Variants in PCDHGA7 observed in about 807,000 individuals in gnomAD.
The protein encoded by PCDHGA7 is protocadherin gamma subfamily A, 7.
A neutral mutation model predicts 58.3 loss-of-function variants in PCDHGA7; 44 were observed. That is an observed-to-expected ratio of 0.75 (90% CI 0.59 to 0.97). The LOEUF is 0.97. Ranked by LOEUF, PCDHGA7 falls within the 50% of genes least tolerant of loss-of-function variation. PCDHGA7 has a pLI of 0.00. For missense variants in PCDHGA7, 1,266 were observed against 1,188.7 expected (o/e 1.06, Z -0.96); for synonymous variants, 516 against 504.2 (o/e 1.02, Z -0.31).
At chr5:141,413,531 A>G (rs1472068242) in intron 1 of PCDHGA7, 6 of 1,613,818 alleles carry the variant, frequency 3.7e-6, no homozygotes, top group Non-Finnish European at 5.1e-6. Flanking sequence ...GACAGGGTGA[A>G]ACTTTTTGGG....
Position 141,512,554 on chromosome 5 carries a change from T to TAG in PCDHGA7, c.*1383_*1384dup, listed in dbSNP as rs2099884300. ...AAGTTCCCCAGTGCCTCCTTGTGCA[T>TAG]AGACCTTCTTCTCCCACCCCCTTCT... is the stretch of plus-strand genomic sequence containing the variant. On this transcript the variant is annotated 3_prime_UTR_variant, in exon 4 of 4. Coordinates refer to ENST00000518325, the MANE Select transcript of PCDHGA7 (RefSeq NM_018920.4). 6.5e-6 allele frequency: 1 copy of TAG among 153,012 alleles called. No homozygotes were observed. Among genetic ancestry groups the TAG allele is most frequent in the Non-Finnish European group, 1.5e-5 (1 of 68,482 alleles). 9.5% of individuals were successfully genotyped at this position (153,012 alleles called of 1,614,324 possible).
rs1272109802 is a variant in PCDHGA7 at position 141,403,110 on chromosome 5, C to G, written c.2424+17787C>G. The G allele has an allele frequency of 6.2e-7, 1 of 1,614,084 alleles. No individual in the cohort carries two copies. The highest frequency in any genetic ancestry group is 1.7e-5 in the Admixed American group (1 of 60,032). The stretch of plus-strand genomic sequence containing the variant: ...GTGGGCAACATCTCCAAGGACCTGG[C>G]TCTGGAGCCCCGGGAGCTGGCGGAG... On this transcript the variant is annotated intron_variant, in intron 1 of 3. Transcript: ENST00000518325.
rs11343387 is a variant in PCDHGA7 at position 141,497,209 on chromosome 5, TGG to T, written c.2483+2352_2483+2353del. On this transcript the variant is annotated intron_variant, in intron 2 of 3. Transcript: ENST00000518325. ...GAGGCAGAGAACAATGTGAGTGTAATGGGGGGGGGAAGATCAGAGAAGGCTTC... is the reference window on the plus strand; with the variant it reads ...GAGGCAGAGAACAATGTGAGTGTAATGGGGGGGAAGATCAGAGAAGGCTTC... Among the ~76,000 whole-genome samples the T allele has an allele frequency of 3.8e-3, 569 of 151,352 alleles. 5 individuals are homozygous for T. Among genetic ancestry groups the T allele is most frequent in the Admixed American group, 0.011 (162 of 15,190 alleles).
At chr5:141,474,252 A>T (rs1381172188) in intron 1 of PCDHGA7, among the ~76,000 whole-genome samples, 1 of 152,200 alleles carries the variant, frequency 6.6e-6, no homozygotes, top group Non-Finnish European at 1.5e-5. Flanking sequence ...GGAAAAAAAG[A>T]CTGATAAACC....
At chr5:141,496,886 C>T (rs1562175671) in intron 2 of PCDHGA7, among the ~76,000 whole-genome samples, 1 of 135,246 alleles carries the variant, frequency 7.4e-6, no homozygotes, top group African/African-American at 2.9e-5. Context: ...ACAAGTAACA[C>T]TTAAAAAAAA....
chr5:141,399,699 C>A lies in PCDHGA7; in HGVS notation c.2424+14376C>A, dbSNP rs555724833. ...TTGACTACGAGCAGCTGCGCACCTT[C>A]GAACTCACACTACAGGCCCGCGACC... On this transcript the variant is annotated intron_variant, in intron 1 of 3. Coordinates refer to ENST00000518325, the MANE Select transcript of PCDHGA7 (RefSeq NM_018920.4). The A allele has an allele frequency of 1.9e-6, 3 of 1,613,476 alleles. No homozygotes were observed. In the East Asian group the frequency reaches 6.7e-5, roughly 36 times the overall value.
intron 1 of PCDHGA7, chr5:141,417,570 T>A: frequency 2.7e-6 from 1 of 373,028 alleles, no homozygotes; most frequent in Non-Finnish European, 4.7e-6. Context: ...AAAAGTCAAG[T>A]TGCAGTCCCA....
At chr5:141,498,826 A>G (rs1186868890) in intron 2 of PCDHGA7, among the ~76,000 whole-genome samples, 1 of 152,006 alleles carries the variant, frequency 6.6e-6, no homozygotes, top group African/African-American at 2.4e-5. Context: ...CCAGCTACTC[A>G]GGAGGCTGAG....
chr5:141,459,259 G>T (rs996530664), intron 1 of PCDHGA7, among the ~76,000 whole-genome samples: 1 of 152,140 alleles, frequency 6.6e-6, no homozygotes, highest in Non-Finnish European at 1.5e-5. Context: ...ATAAATTAGT[G>T]TTGCCTCTTT....
chr5:141,384,443 A>T lies in PCDHGA7; in HGVS notation c.1544A>T (p.Tyr515Phe). The T allele has an allele frequency of 6.2e-7, 1 of 1,614,030 alleles. No homozygotes were observed. The highest frequency in any genetic ancestry group is 8.5e-7 in the Non-Finnish European group (1 of 1,179,906). ...ATAAACTCTGACACTGGAGTCCTGTACGCGCTGCAATCCTTTGATTATGAG... is the reference window on the plus strand; with the variant it reads ...ATAAACTCTGACACTGGAGTCCTGTTCGCGCTGCAATCCTTTGATTATGAG... ...VSINSDTGVL[Y>F]ALQSFDYEQL... The change falls in exon 1 of 4, where the codon TAC becomes TTC. Residue 515 changes from tyrosine to phenylalanine, a missense_variant. Transcript: ENST00000518325.
chr5:141,413,371 C>G (rs752898022), intron 1 of PCDHGA7: 1 of 1,613,966 alleles, frequency 6.2e-7, no homozygotes, highest in Non-Finnish European at 8.5e-7. Context: ...GCTGGCGGAG[C>G]GCGGAGTCCG....
chr5:141,477,432 C>T lies in PCDHGA7; in HGVS notation c.2425-17375C>T, dbSNP rs1184041591. 6.2e-7 allele frequency: 1 copy of T among 1,614,186 alleles called. No individual in the cohort carries two copies. Among genetic ancestry groups the T allele is most frequent in the Admixed American group, 1.7e-5 (1 of 60,028 alleles). ...GACGCCGGAACCCCTTCCCTCTCAG[C>T]CCTTACAATAGTGCGTGTTCAAGTG... On this transcript the variant is annotated intron_variant, in intron 1 of 3. Transcript: ENST00000518325. This position sits in a 1 kb window ranked among gnomAD's most constrained non-coding sequence, Gnocchi z 4.9.
intron 1 of PCDHGA7, among the ~76,000 whole-genome samples, chr5:141,446,698 G>C (rs750413432): frequency 1.3e-5 from 2 of 152,070 alleles, no homozygotes; most frequent in African/African-American, 4.8e-5. Flanking sequence ...GGCTGGTCTC[G>C]AACTCTGATC....
intron 1 of PCDHGA7, among the ~76,000 whole-genome samples, chr5:141,446,882 G>A (rs1419213225): frequency 1.3e-5 from 2 of 152,086 alleles, no homozygotes; most frequent in African/African-American, 4.8e-5. Flanking sequence ...TATGTTTTGG[G>A]GTTCATGGCT....
chr5:141,452,678 C>T (rs1311364057), intron 1 of PCDHGA7, among the ~76,000 whole-genome samples: 1 of 150,100 alleles, frequency 6.7e-6, no homozygotes, highest in African/African-American at 2.5e-5. Flanking sequence ...GCCTAGGCCA[C>T]AGAATGAAAC....
chr5:141,384,601 C>G lies in PCDHGA7; in HGVS notation c.1702C>G (p.Pro568Ala), dbSNP rs1780261198. The change falls in exon 1 of 4, where the codon CCC becomes GCC. Residue 568 changes from proline to alanine, a missense_variant. By Grantham distance (27) the Pro-to-Ala change is conservative. Coordinates refer to ENST00000518325, the MANE Select transcript of PCDHGA7 (RefSeq NM_018920.4). The stretch of plus-strand genomic sequence containing the variant: ...GCCCGAGATCCTGTACCCGGCCCTC[C>G]CCACAGATGGTTCTACTGGCATGGA... Reference protein sequence around the residue: ...NPPEILYPALPTDGSTGMELA... With the variant: ...NPPEILYPALATDGSTGMELA... The G allele has an allele frequency of 2.5e-6, 4 of 1,614,240 alleles. No homozygotes were observed. The East Asian group carries it at 8.9e-5, about 36-fold the overall frequency.
chr5:141,493,250 C>T lies in PCDHGA7; in HGVS notation c.2425-1557C>T, dbSNP rs1330348553. On this transcript the variant is annotated intron_variant, in intron 1 of 3. Coordinates refer to ENST00000518325, the MANE Select transcript of PCDHGA7 (RefSeq NM_018920.4). The surrounding 1 kb of genome is among the most constrained non-coding windows in gnomAD (Gnocchi z 4.3). ...TGCTGTTGGCTAGGTACTAACATGC[C>T]TCTCTTATAACAGCTTCACAGAGGT... Among the ~76,000 whole-genome samples the T allele has an allele frequency of 1.3e-5, 2 of 152,154 alleles. No homozygotes were observed. Among genetic ancestry groups the T allele is most frequent in the Non-Finnish European group, 2.9e-5 (2 of 68,024 alleles).
At chr5:141,510,062 G>GA (rs1448334820) in intron 3 of PCDHGA7, among the ~76,000 whole-genome samples, 1 of 152,150 alleles carries the variant, frequency 6.6e-6, no homozygotes. Flanking sequence ...TTGTGCATGT[G>GA]AAGCATCCAG....
In PCDHGA7 at chr5:141,485,251, C is replaced by T. The variant is rs748522322; in HGVS notation, c.2425-9556C>T. 7 of 1,614,092 alleles carry T rather than the reference C, an allele frequency of 4.3e-6. No individual in the cohort carries two copies. In the South Asian group the frequency reaches 6.6e-5, roughly 15 times the overall value. On this transcript the variant is annotated intron_variant, in intron 1 of 3. Transcript: ENST00000518325. This position sits in a 1 kb window ranked among gnomAD's most constrained non-coding sequence, Gnocchi z 5.7. The stretch of plus-strand genomic sequence containing the variant: ...TGTTCCTCTTTTACCACCTGGGTTA[C>T]GTTTGTGGGCAGATCCGCTACCCGG...
Sources: gnomAD v4.1 joint callset for allele counts (sites outside exome capture counted in the v4.1 genomes callset) on GRCh38, gnomAD v4.1.1 for gene constraint, Gnocchi (gnomAD v3.1) non-coding constraint, MANE v1.5 for transcripts, NCBI Gene and HGNC (gene_info 2026-07-23, HGNC 2026-07-21) for gene names.